The following RGS6 variants were observed in gnomAD, a reference collection of about 807,000 sequenced individuals.
RGS6 encodes regulator of G-protein signaling 6.
RGS6 carries 30 observed loss-of-function variants against 78.5 expected under a neutral mutation model. The ratio of observed to expected loss-of-function variants is 0.38; its 90% CI spans 0.29 to 0.52. The LOEUF is 0.52. Among genes scored for constraint, RGS6 ranks in the 20% least tolerant of loss-of-function variants. RGS6 has a pLI of 0.85. For missense variants in RGS6, 495 were observed against 609.7 expected, an observed-to-expected ratio of 0.81 and a Z score of 1.98; for synonymous variants, 206 against 206.0, an observed-to-expected ratio of 1.00 and a Z score of 0.00.
At chr14:72,428,889 A>G (rs1289938629) in intron 3 of RGS6, among the ~76,000 whole-genome samples, 1 of 152,202 alleles carries the variant, frequency 6.6e-6, no homozygotes, top group East Asian at 1.9e-4. Context: ...CCCCTCCTCT[A>G]GAAGGAGTGA....
At position 72,184,369 on chromosome 14, in the gene RGS6, A is replaced by AACACACACACACACACAC. The variant is rs10638767; in HGVS notation, c.85-167700_85-167683dup. Among the ~76,000 whole-genome samples the AACACACACACACACACAC allele has an allele frequency of 2.8e-3, 399 of 141,366 alleles. 6 individuals are homozygous for AACACACACACACACACAC. The highest frequency in any genetic ancestry group is 9.1e-3 in the African/African-American group (339 of 37,388). 92.7% of individuals were successfully genotyped at this position (141,366 alleles called of 152,430 possible). A position where few individuals can be genotyped will look rare whatever the true frequency, so the allele number is the denominator to read the frequency against. ...ATATAACAGAAGTATTTTACTTTCA[A>AACACACACACACACACAC]ACACACACACACACACACACACACA... On this transcript the variant is annotated intron_variant, in intron 2 of 17. Transcript: ENST00000553525.
At chr14:72,186,768 A>G (rs187651414) in intron 2 of RGS6, among the ~76,000 whole-genome samples, 39 of 152,306 alleles carry the variant, frequency 2.6e-4, no homozygotes, top group African/African-American at 2.4e-4. Context: ...TACTATGGCA[A>G]TAAGTGCTAT....
At chr14:72,115,304 C>A (rs1414969215) in intron 2 of RGS6, among the ~76,000 whole-genome samples, 2 of 152,146 alleles carry the variant, frequency 1.3e-5, no homozygotes, top group African/African-American at 4.8e-5. Context: ...CTGTGTCTCT[C>A]TCTGATGCTG....
intron 2 of RGS6, among the ~76,000 whole-genome samples, chr14:71,972,771 A>G (rs1005901666): frequency 1.2e-4 from 18 of 152,152 alleles, no homozygotes; most frequent in Non-Finnish European, 2.4e-4. Flanking sequence ...GGTAATACAG[A>G]TGGGAGGATG....
chr14:72,267,377 G>A (rs1362808503), intron 2 of RGS6, among the ~76,000 whole-genome samples: 1 of 152,228 alleles, frequency 6.6e-6, no homozygotes, highest in African/African-American at 2.4e-5. Flanking sequence ...ACACAGTCAT[G>A]CTCATTCGTG....
At chr14:72,534,199 G>A (rs1051275759) in intron 15 of RGS6, among the ~76,000 whole-genome samples, 1 of 152,178 alleles carries the variant, frequency 6.6e-6, no homozygotes, top group African/African-American at 2.4e-5. Context: ...CCAGCAAAAG[G>A]ATTATGACTC....
At chr14:72,498,389 C>T (rs933810720) in intron 13 of RGS6, among the ~76,000 whole-genome samples, 3 of 152,114 alleles carry the variant, frequency 2.0e-5, no homozygotes, top group Non-Finnish European at 1.5e-5. Context: ...TTTTTGTATG[C>T]CCAGCTATTT....
rs1211521967 is a variant in RGS6 at position 72,485,829 on chromosome 14, C to G, written c.854+7500C>G. On this transcript the variant is annotated intron_variant, in intron 12 of 17. Transcript: ENST00000553525. ...CCAAGACCCATTCTTCCTCTCTGGT[C>G]CTGCCCACTTTCCATGCTGACCTTA... is the stretch of plus-strand genomic sequence containing the variant. 3.9e-5 allele frequency among the ~76,000 whole-genome samples: 6 copies of G among 152,312 alleles called. No homozygotes were observed. In the East Asian group the frequency reaches 1.2e-3, roughly 29 times the overall value.
intron 2 of RGS6, among the ~76,000 whole-genome samples, chr14:72,294,119 G>A (rs2064205010): frequency 6.6e-6 from 1 of 152,182 alleles, no homozygotes; most frequent in Non-Finnish European, 1.5e-5. Context: ...TCAGACAGAG[G>A]TACCATTTGT....
chr14:72,481,530 C>T (rs548668879), intron 12 of RGS6, among the ~76,000 whole-genome samples: 4 of 152,254 alleles, frequency 2.6e-5, no homozygotes, highest in Admixed American at 6.5e-5. Context: ...TGGGGCTTTG[C>T]GGGAGAAAAG....
At chr14:72,579,135 C>A in the RGS6 span, among the ~76,000 whole-genome samples, 956 of 152,264 alleles carry the variant, frequency 6.3e-3, 8 homozygotes, top group African/African-American at 0.022. Context: ...TTCTCCATGC[C>A]TCAGATCTAA....
At chr14:72,278,157 A>T (rs2060990668) in intron 2 of RGS6, among the ~76,000 whole-genome samples, 2 of 152,188 alleles carry the variant, frequency 1.3e-5, no homozygotes, top group Admixed American at 1.3e-4. Context: ...GGTGTTTGAA[A>T]GTCAGTTGGT....
intron 6 of RGS6, among the ~76,000 whole-genome samples, chr14:72,460,901 A>G (rs1411010362): frequency 1.3e-5 from 2 of 152,020 alleles, no homozygotes; most frequent in Non-Finnish European, 2.9e-5. Flanking sequence ...CAGGGAGCCA[A>G]GCTGAGGATG....
intron 2 of RGS6, among the ~76,000 whole-genome samples, chr14:72,124,077 G>A (rs1229902385): frequency 1.3e-5 from 2 of 152,204 alleles, no homozygotes; most frequent in East Asian, 1.9e-4. Flanking sequence ...GATCTGAAAT[G>A]GAAGGTAGGT....
intron 2 of RGS6, among the ~76,000 whole-genome samples, chr14:72,169,776 T>G (rs1187500819): frequency 6.6e-6 from 1 of 152,200 alleles, no homozygotes; most frequent in Admixed American, 6.5e-5. Flanking sequence ...TCATCTACTC[T>G]TTCTCCTTTT....
chr14:72,025,115 G>A (rs1023887850), intron 2 of RGS6, among the ~76,000 whole-genome samples: 4 of 152,166 alleles, frequency 2.6e-5, no homozygotes, highest in Admixed American at 2.6e-4. Flanking sequence ...TTGAGAGAGC[G>A]AATGAGTTAA....
intron 3 of RGS6, among the ~76,000 whole-genome samples, chr14:72,432,197 C>G (rs188152418): frequency 6.6e-6 from 1 of 152,184 alleles, no homozygotes; most frequent in Admixed American, 6.5e-5. Context: ...TTATAAGGGA[C>G]AGGAGTCCTT....
intron 2 of RGS6, among the ~76,000 whole-genome samples, chr14:71,979,120 C>G (rs914611513): frequency 6.7e-6 from 1 of 149,418 alleles, no homozygotes; most frequent in African/African-American, 2.5e-5. Flanking sequence ...TCCCCTTTAT[C>G]ATTTTTTATT....
At chr14:72,314,353 G>A (rs549585829) in intron 2 of RGS6, among the ~76,000 whole-genome samples, 2 of 152,304 alleles carry the variant, frequency 1.3e-5, no homozygotes, top group East Asian at 1.9e-4. Flanking sequence ...AACATGGTCA[G>A]GAGAAGAAGA....
Sources: allele counts gnomAD v4.1 joint callset (sites outside exome capture counted in the v4.1 genomes callset), GRCh38; gene constraint gnomAD v4.1.1; transcripts MANE v1.5; gene names NCBI Gene and HGNC (gene_info 2026-07-23, HGNC 2026-07-21).